Variants in CYTH1 observed in about 807,000 individuals in gnomAD.
CYTH1 encodes the protein cytohesin-1.
CYTH1 carries 18 observed loss-of-function variants against 61.8 expected under a neutral mutation model. The ratio of observed to expected loss-of-function variants is 0.29; its 90% CI spans 0.20 to 0.43. CYTH1 has a LOEUF of 0.43. CYTH1 is among the 20% of genes least tolerant of loss of function. The probability of loss-of-function intolerance (pLI) is 1.00; values close to 1 mark genes in which losing one functional copy is unlikely to be tolerated. For synonymous variants in CYTH1, 174 were observed against 184.3 expected (o/e 0.94, Z 0.45); for missense variants, 336 against 510.5 (o/e 0.66, Z 3.29).
chr17:78,761,956 C>T (rs535445906), intron 1 of CYTH1, among the ~76,000 whole-genome samples: 2 of 152,274 alleles, frequency 1.3e-5, no homozygotes, highest in South Asian at 2.1e-4. Flanking sequence ...TTAACATAAA[C>T]GTTTGAAAGA....
At chr17:78,693,002 G>A (rs146489541) in intron 10 of CYTH1, among the ~76,000 whole-genome samples, 2 of 152,158 alleles carry the variant, frequency 1.3e-5, no homozygotes, top group Non-Finnish European at 2.9e-5. Flanking sequence ...CCTGGAACAC[G>A]AAGTAAATCC....
At chr17:78,753,310 A>G (rs749912697) in intron 1 of CYTH1, among the ~76,000 whole-genome samples, 34 of 152,122 alleles carry the variant, frequency 2.2e-4, no homozygotes, top group Non-Finnish European at 4.3e-4. Context: ...AATTATAAGG[A>G]AAAAAGAAAG....
intron 11 of CYTH1, 86 bp from the exon 12 acceptor site, chr17:78,681,128 T>C: frequency 7.6e-7 from 1 of 1,324,392 alleles, no homozygotes; most frequent in Non-Finnish European, 1.1e-6. Flanking sequence ...TCAGCCGAAC[T>C]TTCCTGCTTT....
At chr17:78,696,178 C>T (rs994294227) in intron 9 of CYTH1, among the ~76,000 whole-genome samples, 169 bp from the exon 10 acceptor site, 2 of 152,190 alleles carry the variant, frequency 1.3e-5, no homozygotes, top group Non-Finnish European at 2.9e-5. Flanking sequence ...AAACACTCAA[C>T]GGGCAAATGA....
intron 1 of CYTH1, among the ~76,000 whole-genome samples, chr17:78,729,923 C>T (rs915945023): frequency 8.5e-5 from 13 of 152,118 alleles, no homozygotes; most frequent in African/African-American, 2.2e-4. Flanking sequence ...CTGGACTCTT[C>T]CTCTTCTGCC....
At chr17:78,702,291 A>G in intron 4 of CYTH1, 51 bp from the exon 5 acceptor site, 1 of 1,467,096 alleles carries the variant, frequency 6.8e-7, no homozygotes. Flanking sequence ...GAAACAGTTG[A>G]AAAGAAGGGG....
intron 6 of CYTH1, among the ~76,000 whole-genome samples, chr17:78,701,360 C>G (rs190180063): frequency 6.6e-6 from 1 of 152,190 alleles, no homozygotes; most frequent in African/African-American, 2.4e-5. Context: ...TATTCCAGGG[C>G]AAGAAATTAA....
chr17:78,699,084 C>A, intron 7 of CYTH1, 116 bp from the exon 8 acceptor site: 1 of 1,307,100 alleles, frequency 7.7e-7, no homozygotes, highest in African/African-American at 1.5e-5. Flanking sequence ...ACCATGTTCT[C>A]GGCCAGATGC....
chr17:78,742,801 G>C (rs1354988952), intron 1 of CYTH1, among the ~76,000 whole-genome samples: 1 of 152,192 alleles, frequency 6.6e-6, no homozygotes, highest in Admixed American at 6.5e-5. Flanking sequence ...GTTGCAGTGA[G>C]CTGAGATGGT....
chr17:78,739,933 T>TGTC (rs1401597850), intron 1 of CYTH1, among the ~76,000 whole-genome samples: 4 of 9,326 alleles, frequency 4.3e-4, no homozygotes, highest in Admixed American at 1.2e-3. Context: ...ATGGAGCTGC[T>TGTC]ATCTTTTCTT....
intron 1 of CYTH1, among the ~76,000 whole-genome samples, chr17:78,744,644 G>T (rs1237626850): frequency 6.6e-6 from 1 of 151,878 alleles, no homozygotes; most frequent in African/African-American, 2.4e-5. Flanking sequence ...GACCTTGGGG[G>T]AAAAAAGAGT....
At position 78,700,135 on chromosome 17, in the gene CYTH1, G is replaced by C. The variant is rs1314419551; in HGVS notation, c.550+196C>G. Among the ~76,000 whole-genome samples, 1 of 152,130 alleles carries C rather than the reference G, an allele frequency of 6.6e-6. No homozygotes were observed. Among genetic ancestry groups the C allele is most frequent in the Non-Finnish European group, 1.5e-5 (1 of 68,024 alleles). Reference sequence around the variant, plus strand: ...ATAGCTGTGTATTTCGTAGTTCAGAGGTACCACAATTTAAATTCATAGTGC... The same window carrying C: ...ATAGCTGTGTATTTCGTAGTTCAGACGTACCACAATTTAAATTCATAGTGC... On this transcript the variant is annotated intron_variant, in intron 7 of 13. Transcript: ENST00000446868. The surrounding 1 kb of genome is among the most constrained non-coding windows in gnomAD (Gnocchi z 5.1).
intron 1 of CYTH1, among the ~76,000 whole-genome samples, chr17:78,734,466 A>T (rs1264194008): frequency 1.6e-5 from 2 of 123,054 alleles, no homozygotes; most frequent in East Asian, 4.7e-4. Context: ...TTAGAGACAA[A>T]GTCTCACTCT....
intron 1 of CYTH1, among the ~76,000 whole-genome samples, chr17:78,712,525 A>G (rs982347735): frequency 1.3e-5 from 2 of 151,942 alleles, no homozygotes; most frequent in African/African-American, 2.4e-5. Flanking sequence ...GCATGGTGGC[A>G]GGTGCCTGTA....
At chr17:78,712,681 A>C (rs2093146755) in intron 1 of CYTH1, among the ~76,000 whole-genome samples, 1 of 151,860 alleles carries the variant, frequency 6.6e-6, no homozygotes, top group Non-Finnish European at 1.5e-5. Context: ...TAATAATATA[A>C]AAAATAAAAA....
intron 1 of CYTH1, among the ~76,000 whole-genome samples, chr17:78,728,509 T>C (rs377471868): frequency 3.3e-5 from 5 of 151,918 alleles, no homozygotes; most frequent in East Asian, 1.9e-4. Context: ...GACCACGCCA[T>C]TGCACTCCAG....
At chr17:78,702,391 AG>A in intron 4 of CYTH1, 146 bp downstream of exon 4, 1 of 1,027,154 alleles carries the variant, frequency 9.7e-7, no homozygotes, top group Non-Finnish European at 1.4e-6. Context: ...GTCACAGTTT[AG>A]GAACAAGGGC....
chr17:78,677,340 G>C (rs1368201987), intron 13 of CYTH1: 1 of 258,136 alleles, frequency 3.9e-6, no homozygotes, highest in Non-Finnish European at 7.7e-6. Flanking sequence ...GAGGCAGAGT[G>C]TCAGGCGATG....
In CYTH1 at chr17:78,765,106, G is replaced by A. The variant is rs9889718; in HGVS notation, c.22+17096C>T. 1.3e-3 allele frequency among the ~76,000 whole-genome samples: 193 copies of A among 152,270 alleles called. 1 individual carries two copies. Among genetic ancestry groups the A allele is most frequent in the African/African-American group, 4.4e-3 (181 of 41,552 alleles). On this transcript the variant is annotated intron_variant, in intron 1 of 13. Coordinates refer to ENST00000446868, the MANE Select transcript of CYTH1 (RefSeq NM_004762.6). ...TGGAGAAAGGCCCGAGCTGGGGAGCGTGCCTGGTGTGTACCAAGCACCGCA... is the reference window on the plus strand; with the variant it reads ...TGGAGAAAGGCCCGAGCTGGGGAGCATGCCTGGTGTGTACCAAGCACCGCA...
Sources: allele counts gnomAD v4.1 joint callset (sites outside exome capture counted in the v4.1 genomes callset), GRCh38; gene constraint gnomAD v4.1.1; non-coding constraint Gnocchi (gnomAD v3.1); transcripts MANE v1.5; gene names NCBI Gene and HGNC (gene_info 2026-07-23, HGNC 2026-07-21).